Variants in RRP15 observed in about 807,000 individuals in gnomAD.
RRP15 encodes the protein RRP15-like protein.
In RRP15, 18 loss-of-function variants were observed where a neutral mutation model predicts 27.1. The ratio of observed to expected loss-of-function variants is 0.66; its 90% confidence interval spans 0.46 to 0.98. The LOEUF is 0.98. RRP15 is among the 50% of genes least tolerant of loss of function. RRP15 has a pLI of 0.00. For synonymous variants in RRP15, 107 were observed against 109.4 expected, an observed-to-expected ratio of 0.98 and a Z score of 0.14; for missense variants, 359 against 337.8, an observed-to-expected ratio of 1.06 and a Z score of -0.49.
intron 1 of RRP15, among the ~76,000 whole-genome samples, chr1:218,291,991 T>C (rs1379226643): frequency 6.6e-6 from 1 of 152,036 alleles, no homozygotes; most frequent in East Asian, 1.9e-4. Context: ...GTGCGTGCCA[T>C]CATGTCCAGC....
At chr1:218,291,280 A>T (rs1437256768) in intron 1 of RRP15, among the ~76,000 whole-genome samples, 1 of 151,864 alleles carries the variant, frequency 6.6e-6, no homozygotes, top group Non-Finnish European at 1.5e-5. Context: ...CTACCAAAAA[A>T]AAAATATACA....
chr1:218,316,348 T>TA (rs1160291438), intron 4 of RRP15, among the ~76,000 whole-genome samples: 2 of 151,624 alleles, frequency 1.3e-5, no homozygotes, highest in South Asian at 2.1e-4. Context: ...GCTGAGGCTT[T>TA]AAAAAAAAAT....
At chr1:218,327,526 A>G (rs1415865377) in intron 4 of RRP15, among the ~76,000 whole-genome samples, 5 of 151,038 alleles carry the variant, frequency 3.3e-5, no homozygotes, top group Non-Finnish European at 7.4e-5. Context: ...CTGGTCTGAA[A>G]CTCCTGACCT....
intron 4 of RRP15, among the ~76,000 whole-genome samples, chr1:218,318,329 G>A (rs1330764966): frequency 6.6e-6 from 1 of 152,000 alleles, no homozygotes; most frequent in Non-Finnish European, 1.5e-5. Flanking sequence ...ATTCAATTAA[G>A]TCTCACCTAT....
intron 4 of RRP15, among the ~76,000 whole-genome samples, chr1:218,322,461 G>A (rs1656201092): frequency 6.6e-6 from 1 of 150,760 alleles, no homozygotes; most frequent in African/African-American, 2.4e-5. Context: ...GGACGATCTT[G>A]GTAGAAAAAA....
At chr1:218,316,893 G>A (rs534894835) in intron 4 of RRP15, among the ~76,000 whole-genome samples, 144 of 152,234 alleles carry the variant, frequency 9.5e-4, no homozygotes, top group African/African-American at 3.1e-3. Flanking sequence ...CCAATAATTT[G>A]ATTAAAATTA....
chr1:218,286,191 T>C (rs1411111544), intron 1 of RRP15, among the ~76,000 whole-genome samples: 1 of 152,220 alleles, frequency 6.6e-6, no homozygotes, highest in Non-Finnish European at 1.5e-5. Flanking sequence ...TTTCTAATTA[T>C]GCCCGCTGTC....
intron 4 of RRP15, among the ~76,000 whole-genome samples, chr1:218,308,162 C>T (rs187669541): frequency 1.4e-3 from 210 of 147,638 alleles, no homozygotes; most frequent in Non-Finnish European, 2.6e-3. Flanking sequence ...ACCTCCGCCT[C>T]CCAGGTTCAA....
At chr1:218,321,875 T>G (rs976192221) in intron 4 of RRP15, among the ~76,000 whole-genome samples, 3 of 152,120 alleles carry the variant, frequency 2.0e-5, no homozygotes, top group Admixed American at 6.5e-5. Flanking sequence ...TACCTTTTTT[T>G]TGTGTGGGTG....
chr1:218,315,302 A>G (rs921967411), intron 4 of RRP15, among the ~76,000 whole-genome samples: 2 of 152,170 alleles, frequency 1.3e-5, no homozygotes, highest in African/African-American at 4.8e-5. Flanking sequence ...ATTGCTATGT[A>G]CTTTTAAAAA....
At chr1:218,287,942 C>G (rs1655575836) in intron 1 of RRP15, among the ~76,000 whole-genome samples, 1 of 152,142 alleles carries the variant, frequency 6.6e-6, no homozygotes, top group African/African-American at 2.4e-5. Flanking sequence ...GCAGTTTTCT[C>G]AGACATAAAA....
rs17047579 is a variant in RRP15 at position 218,296,803 on chromosome 1, T to C, written c.140-5491T>C. ...TGTAGCACAGAGACATTGGCCACTC[T>C]TGAAATAAGCAAAAGGTGGCCTGCA... On this transcript the variant is annotated intron_variant, in intron 1 of 4. Transcript: ENST00000366932. Among the ~76,000 whole-genome samples, 1,198 of 152,294 alleles carry C rather than the reference T, an allele frequency of 7.9e-3. 20 individuals are homozygous for C. The highest frequency in any genetic ancestry group is 0.027 in the African/African-American group (1,138 of 41,564).
At position 218,317,442 on chromosome 1, in the gene RRP15, G is replaced by T. The variant is rs150705695; in HGVS notation, c.705+9810G>T. On this transcript the variant is annotated intron_variant, in intron 4 of 4. Transcript: ENST00000366932. ...CAGCTTGCATTCTGCTTTTTCCTAG[G>T]TCTCTCGTGCTGCTCATTTGATGTA... Among the ~76,000 whole-genome samples the T allele has an allele frequency of 4.6e-3, 696 of 152,286 alleles. 23 individuals carry two copies. The highest frequency in any genetic ancestry group is 0.042 in the Admixed American group (640 of 15,306).
chr1:218,314,518 G>C (rs1164831157), intron 4 of RRP15, among the ~76,000 whole-genome samples: 1 of 152,148 alleles, frequency 6.6e-6, no homozygotes, highest in Non-Finnish European at 1.5e-5. Context: ...AGTCTCTAAG[G>C]AGAATATATT....
chr1:218,337,568 G>A lies in RRP15; in HGVS notation c.*6477G>A, dbSNP rs1476536611. 6.6e-6 allele frequency: 1 copy of A among 152,082 alleles called. No homozygotes were observed. Among genetic ancestry groups the A allele is most frequent in the African/African-American group, 2.4e-5 (1 of 41,412 alleles). 9.4% of individuals were successfully genotyped at this position (152,082 alleles called of 1,614,324 possible). ...AATGATATGTTAACTGAAAAAGTAAGATTAAAAACATTATGGATAGTATAA... is the reference window on the plus strand; with the variant it reads ...AATGATATGTTAACTGAAAAAGTAAAATTAAAAACATTATGGATAGTATAA... On this transcript the variant is annotated 3_prime_UTR_variant, in exon 5 of 5. Transcript: ENST00000366932.
At chr1:218,321,436 C>T (rs868592170) in intron 4 of RRP15, among the ~76,000 whole-genome samples, 2 of 152,180 alleles carry the variant, frequency 1.3e-5, no homozygotes, top group Admixed American at 6.5e-5. Context: ...TTATACTTTA[C>T]GATTTATATT....
chr1:218,325,959 A>G (rs531889789), intron 4 of RRP15, among the ~76,000 whole-genome samples: 7 of 151,862 alleles, frequency 4.6e-5, no homozygotes, highest in Non-Finnish European at 8.8e-5. Context: ...TGTTTCTTCC[A>G]CCATATTTTT....
In RRP15 at chr1:218,336,971, C is replaced by G. The variant is rs1207565577; in HGVS notation, c.*5880C>G. 1 of 152,114 alleles carries G rather than the reference C, an allele frequency of 6.6e-6. No individual in the cohort carries two copies. The highest frequency in any genetic ancestry group is 1.5e-5 in the Non-Finnish European group (1 of 68,018). 9.4% of individuals were successfully genotyped at this position (152,114 alleles called of 1,614,324 possible). On this transcript the variant is annotated 3_prime_UTR_variant, in exon 5 of 5. Coordinates refer to ENST00000366932, the MANE Select transcript of RRP15 (RefSeq NM_016052.4). ...CCAGTGTTCGTTGTTAGATGAGAGA[C>G]AGCATAATTTTGGAATCACAACTGA...
chr1:218,322,967 C>T lies in RRP15; in HGVS notation c.706-7981C>T, dbSNP rs73108394. ...CAGCTGCGGCAGGGTCCATAGCTCC[C>T]GGCAATGGCATGGGCGCCGGCTACT... is the stretch of plus-strand genomic sequence containing the variant. On this transcript the variant is annotated intron_variant, in intron 4 of 4. Transcript: ENST00000366932. Among the ~76,000 whole-genome samples the T allele has an allele frequency of 4.5e-3, 684 of 152,312 alleles. 4 individuals are homozygous for T. The highest frequency in any genetic ancestry group is 0.015 in the African/African-American group (641 of 41,562).
Sources: gnomAD v4.1 joint callset for allele counts (sites outside exome capture counted in the v4.1 genomes callset) on GRCh38, gnomAD v4.1.1 for gene constraint, MANE v1.5 for transcripts, NCBI Gene and HGNC (gene_info 2026-07-23, HGNC 2026-07-21) for gene names.